ZNF90: variants seen among roughly 807,000 people sequenced by gnomAD.
The protein encoded by ZNF90 is zinc finger protein 90.
ZNF90 carries 11 observed loss-of-function variants against 12.0 expected under a neutral mutation model. That is an observed-to-expected ratio of 0.92 (90% confidence interval 0.58 to 1.52). The LOEUF is 1.52. Among genes scored for constraint, ZNF90 ranks in the 40% most tolerant of loss-of-function variants. ZNF90 has a pLI of 0.00. For synonymous variants in ZNF90, 232 were observed against 240.1 expected (o/e 0.97, Z 0.31); for missense variants, 765 against 711.5 (o/e 1.08, Z -0.86).
At position 20,119,178 on chromosome 19, in the gene ZNF90, T is replaced by C. The variant is rs781936895; in HGVS notation, c.1624T>C (p.Cys542Arg). The C allele has an allele frequency of 5.0e-6, 8 of 1,613,052 alleles. No homozygotes were observed. The South Asian group carries it at 7.7e-5, about 16-fold the overall frequency. ...AGCGAAACCCTACAAATGTGAAGAA[T>C]GTGGCAAAGCCTTTAAGCGCTCCTC... is the stretch of plus-strand genomic sequence containing the variant. The part of the protein sequence containing the change: ...TGAKPYKCEE[C>R]GKAFKRSSQL... The change falls in exon 4 of 4, where the codon TGT becomes CGT. Residue 542 changes from cysteine to arginine, a missense_variant. Transcript: ENST00000418063.
intron 3 of ZNF90, among the ~76,000 whole-genome samples, chr19:20,115,559 A>T (rs1417634731): frequency 6.6e-6 from 1 of 151,814 alleles, no homozygotes; most frequent in Non-Finnish European, 1.5e-5. Context: ...GTGGTAAAAA[A>T]ATAACTTAAG....
intron 1 of ZNF90, chr19:20,079,801 C>A: frequency 3.7e-6 from 1 of 269,902 alleles, no homozygotes. Flanking sequence ...GGCGCGGTGG[C>A]TCACGCCTGT....
intron 3 of ZNF90, 76 bp downstream of exon 3, chr19:20,105,392 A>C: frequency 8.3e-7 from 1 of 1,207,918 alleles, no homozygotes; most frequent in South Asian, 1.3e-5. Flanking sequence ...GCCGGTCCTT[A>C]AAATGTGATT....
intron 1 of ZNF90, among the ~76,000 whole-genome samples, chr19:20,091,069 C>T (rs1264543659): frequency 2.0e-5 from 3 of 152,084 alleles, no homozygotes; most frequent in Non-Finnish European, 4.4e-5. Context: ...TTATGTCTGA[C>T]AGAAGGGAAG....
intron 3 of ZNF90, among the ~76,000 whole-genome samples, chr19:20,108,344 C>G (rs1329350934): frequency 2.6e-5 from 4 of 152,218 alleles, no homozygotes; most frequent in South Asian, 2.1e-4. Context: ...TAGTTACTCT[C>G]TCTCACCCAG....
At chr19:20,087,762 T>G (rs112542127) in intron 1 of ZNF90, among the ~76,000 whole-genome samples, 2,903 of 152,252 alleles carry the variant, frequency 0.019, 94 homozygotes, top group African/African-American at 0.067. Context: ...CTGGGTGCAG[T>G]TGGGCTGAGT....
At chr19:20,096,556 G>T (rs1001831982) in intron 1 of ZNF90, among the ~76,000 whole-genome samples, 24 of 152,124 alleles carry the variant, frequency 1.6e-4, no homozygotes, top group African/African-American at 5.8e-4. Flanking sequence ...CTCAGTGGGG[G>T]TGCTTTTTGA....
chr19:20,118,508 T>C lies in ZNF90; in HGVS notation c.954T>C (p.Cys318=). Residue 318 remains cysteine, a synonymous_variant, in exon 4 of 4, where the codon TGT becomes TGC. Transcript: ENST00000418063. ...TEEKPYKCEE[C]GKAFKLSSIL... is the part of the protein sequence containing the mutation. ...AGAAACCCTACAAATGTGAAGAATGTGGCAAAGCCTTCAAGCTCTCCTCAA... is the reference window on the plus strand; with the variant it reads ...AGAAACCCTACAAATGTGAAGAATGCGGCAAAGCCTTCAAGCTCTCCTCAA... The C allele has an allele frequency of 2.5e-6, 4 of 1,613,792 alleles. No homozygotes were observed. Among genetic ancestry groups the C allele is most frequent in the Non-Finnish European group, 3.4e-6 (4 of 1,179,984 alleles).
chr19:20,117,488 A>T, intron 3 of ZNF90: 1 of 301,594 alleles, frequency 3.3e-6, no homozygotes, highest in Non-Finnish European at 4.5e-6. Context: ...CCCAGGGTGG[A>T]GTGCAGTGGT....
At chr19:20,096,247 A>C (rs1245053757) in intron 1 of ZNF90, among the ~76,000 whole-genome samples, 1 of 152,192 alleles carries the variant, frequency 6.6e-6, no homozygotes, top group African/African-American at 2.4e-5. Flanking sequence ...CTGAGGTCAT[A>C]GGTGAATCTT....
chr19:20,108,299 T>A (rs1472548903), intron 3 of ZNF90, among the ~76,000 whole-genome samples: 3 of 152,172 alleles, frequency 2.0e-5, no homozygotes, highest in Admixed American at 1.3e-4. Context: ...TTGCAGTTAC[T>A]TAGACAAATT....
intron 1 of ZNF90, among the ~76,000 whole-genome samples, chr19:20,087,987 C>T (rs1413378818): frequency 6.6e-6 from 1 of 152,058 alleles, no homozygotes; most frequent in Non-Finnish European, 1.5e-5. Context: ...CGGCCATTTA[C>T]ACTTCCTTTG....
Position 20,118,762 on chromosome 19 carries a change from G to A in ZNF90, c.1208G>A (p.Gly403Asp), listed in dbSNP as rs1555706136. 2 of 1,608,416 alleles carry A rather than the reference G, an allele frequency of 1.2e-6. No individual in the cohort carries two copies. The highest frequency in any genetic ancestry group is 2.2e-5 in the South Asian group (2 of 90,420). The change falls in exon 4 of 4, where the codon GGC becomes GAC. Residue 403 changes from glycine (G) to aspartate (D), a missense_variant. Transcript: ENST00000418063. ...AAACCCTACAAATGTGAAGAATGTG[G>A]CAAAGCCTTCAAGCGCTCCTCAACA... is the stretch of plus-strand genomic sequence containing the variant. Reference protein sequence around the residue: ...EKKPYKCEECGKAFKRSSTLT... With the variant: ...EKKPYKCEECDKAFKRSSTLT...
chr19:20,104,527 G>A (rs1306294706), intron 2 of ZNF90, among the ~76,000 whole-genome samples, 162 bp downstream of exon 2: 3 of 152,152 alleles, frequency 2.0e-5, no homozygotes, highest in African/African-American at 7.2e-5. Context: ...ATTTCTTCAA[G>A]ATGTTTCATC....
intron 3 of ZNF90, among the ~76,000 whole-genome samples, chr19:20,108,688 G>T (rs914587245): frequency 1.4e-5 from 2 of 140,294 alleles, no homozygotes; most frequent in African/African-American, 2.7e-5. Context: ...TTTTATTATT[G>T]TTTGTAGTTC....
chr19:20,082,456 T>A (rs1044874596), intron 1 of ZNF90, among the ~76,000 whole-genome samples: 2 of 152,212 alleles, frequency 1.3e-5, no homozygotes, highest in Non-Finnish European at 2.9e-5. Flanking sequence ...ATACTGTTAA[T>A]CTGTAACCCT....
chr19:20,088,485 C>A (rs1033043537), intron 1 of ZNF90, among the ~76,000 whole-genome samples: 4 of 152,082 alleles, frequency 2.6e-5, no homozygotes, highest in Admixed American at 1.3e-4. Context: ...ATTGGGAGGA[C>A]CCAAGACATC....
intron 1 of ZNF90, among the ~76,000 whole-genome samples, chr19:20,082,532 A>C (rs555619940): frequency 3.9e-5 from 6 of 152,198 alleles, no homozygotes; most frequent in Admixed American, 1.3e-4. Flanking sequence ...ATTTAGGGCT[A>C]TGCAGGATGT....
rs1018800749 is a variant in ZNF90, at chr19:20,119,396, C to T, written c.*36C>T. The T allele has an allele frequency of 1.3e-5, 19 of 1,516,896 alleles. No individual in the cohort carries two copies. Among genetic ancestry groups the T allele is most frequent in the Non-Finnish European group, 1.7e-5 (19 of 1,125,006 alleles). 94.0% of individuals were successfully genotyped at this position (1,516,896 alleles called of 1,614,324 possible). On this transcript the variant is annotated 3_prime_UTR_variant, in exon 4 of 4. Coordinates refer to ENST00000418063, the MANE Select transcript of ZNF90 (RefSeq NM_007138.2). ...AACCCTTAATAAACATAAGATAATT[C>T]ATACTGGAGAGAAACCGTATAAATG...
Sources: allele counts gnomAD v4.1 joint callset (sites outside exome capture counted in the v4.1 genomes callset), GRCh38; gene constraint gnomAD v4.1.1; transcripts MANE v1.5; gene names NCBI Gene and HGNC (gene_info 2026-07-23, HGNC 2026-07-21).